The following GPC5 variants were observed in gnomAD, a reference collection of about 807,000 sequenced individuals.
The protein encoded by GPC5 is glypican-5.
A neutral mutation model predicts 53.9 loss-of-function variants in GPC5; 47 were observed. That is an observed-to-expected ratio of 0.87 (90% CI 0.69 to 1.11). The LOEUF is 1.11. Ranked by LOEUF, GPC5 falls within the 50% of genes most tolerant of loss-of-function variation. The pLI is 0.00. For missense variants in GPC5, 748 were observed against 713.1 expected (o/e 1.05, Z -0.56); for synonymous variants, 286 against 263.3 (o/e 1.09, Z -0.84).
At chr13:91,956,782 T>C (rs2040077726) in intron 6 of GPC5, among the ~76,000 whole-genome samples, 1 of 152,098 alleles carries the variant, frequency 6.6e-6, no homozygotes, top group African/African-American at 2.4e-5. Context: ...AAGTACCCTA[T>C]CCAATTATTA....
chr13:91,552,417 G>T (rs966774379), intron 2 of GPC5, among the ~76,000 whole-genome samples: 2 of 151,956 alleles, frequency 1.3e-5, no homozygotes, highest in African/African-American at 4.8e-5. Context: ...AGGAATTAAA[G>T]ACACACACAC....
chr13:92,198,840 T>C (rs2042274992), intron 7 of GPC5, among the ~76,000 whole-genome samples: 1 of 152,192 alleles, frequency 6.6e-6, no homozygotes, highest in South Asian at 2.1e-4. Context: ...AATGGTCATA[T>C]ACTAAAATGA....
chr13:92,330,431 C>T (rs566645295), intron 7 of GPC5, among the ~76,000 whole-genome samples: 7 of 152,114 alleles, frequency 4.6e-5, no homozygotes, highest in Non-Finnish European at 1.0e-4. Flanking sequence ...ATCCATCTAA[C>T]AAGCAATTTC....
intron 2 of GPC5, among the ~76,000 whole-genome samples, chr13:91,624,258 A>G (rs1286162971): frequency 6.6e-6 from 1 of 152,156 alleles, no homozygotes; most frequent in Non-Finnish European, 1.5e-5. Flanking sequence ...TGAGAAGCCC[A>G]AGAGTGGTGA....
At chr13:92,204,959 A>G (rs112339579) in intron 7 of GPC5, among the ~76,000 whole-genome samples, 161 of 151,428 alleles carry the variant, frequency 1.1e-3, no homozygotes, top group Non-Finnish European at 1.9e-3. Context: ...GCTCACTGCA[A>G]TCTCCGCCTC....
At chr13:92,102,433 T>C (rs934317999) in intron 6 of GPC5, among the ~76,000 whole-genome samples, 1 of 152,156 alleles carries the variant, frequency 6.6e-6, no homozygotes, top group Admixed American at 6.5e-5. Context: ...TGGAAGTAAG[T>C]AGCAGTTGGT....
chr13:92,604,757 T>C (rs1884194592), intron 7 of GPC5, among the ~76,000 whole-genome samples: 1 of 152,226 alleles, frequency 6.6e-6, no homozygotes, highest in African/African-American at 2.4e-5. Context: ...TATGAGGTGC[T>C]TACAACATAG....
At chr13:91,849,609 G>C (rs903622402) in intron 5 of GPC5, among the ~76,000 whole-genome samples, 9 of 151,892 alleles carry the variant, frequency 5.9e-5, no homozygotes, top group Non-Finnish European at 1.2e-4. Context: ...GTATACTCTT[G>C]AGTATCCACA....
chr13:92,208,779 A>G (rs1046750797), intron 7 of GPC5, among the ~76,000 whole-genome samples: 2 of 152,240 alleles, frequency 1.3e-5, no homozygotes, highest in Admixed American at 6.5e-5. Context: ...ATCTTTTTCA[A>G]TAACTTCAGA....
intron 7 of GPC5, among the ~76,000 whole-genome samples, chr13:92,320,568 T>C (rs966962930): frequency 6.6e-6 from 1 of 152,266 alleles, no homozygotes; most frequent in African/African-American, 2.4e-5. Flanking sequence ...TCCCCATAAG[T>C]GTTTTATTAA....
At chr13:91,660,059 G>C (rs1213057113) in intron 2 of GPC5, among the ~76,000 whole-genome samples, 1 of 152,180 alleles carries the variant, frequency 6.6e-6, no homozygotes, top group Non-Finnish European at 1.5e-5. Context: ...TGGGGAAACT[G>C]TCAAAAGAAT....
At chr13:92,181,226 TA>T (rs2042144788) in intron 7 of GPC5, among the ~76,000 whole-genome samples, 1 of 152,020 alleles carries the variant, frequency 6.6e-6, no homozygotes. Flanking sequence ...AAAAAAAAAT[TA>T]AAACTACTCA....
intron 2 of GPC5, among the ~76,000 whole-genome samples, chr13:91,576,426 T>A (rs11840290): frequency 0.063 from 9,604 of 151,980 alleles, 1,007 homozygotes; most frequent in African/African-American, 0.22. Flanking sequence ...TCAGAGGCAA[T>A]AAATGGACAG....
intron 7 of GPC5, among the ~76,000 whole-genome samples, chr13:92,159,140 C>T (rs1231309806): frequency 6.6e-6 from 1 of 152,174 alleles, no homozygotes; most frequent in African/African-American, 2.4e-5. Flanking sequence ...CTACATTTCC[C>T]AACCTCCACC....
chr13:92,312,419 G>A (rs182627228), intron 7 of GPC5, among the ~76,000 whole-genome samples: 6 of 152,104 alleles, frequency 3.9e-5, no homozygotes, highest in African/African-American at 1.4e-4. Context: ...ATTCTGAAAA[G>A]ATAAACTCAT....
intron 7 of GPC5, among the ~76,000 whole-genome samples, chr13:92,257,545 G>GCTTTTTTTTTTTTTTTT (rs1566507028): frequency 2.0e-5 from 1 of 50,054 alleles, no homozygotes; most frequent in African/African-American, 1.2e-4. Context: ...CTAATACAGG[G>GCTTTTTTTTTTTTTTTT]ATTTTTTTTT....
intron 7 of GPC5, among the ~76,000 whole-genome samples, chr13:92,618,024 T>A (rs1412317754): frequency 2.6e-5 from 4 of 152,172 alleles, no homozygotes; most frequent in African/African-American, 7.2e-5. Context: ...AGCTCTTAAG[T>A]ACTCTTTCTA....
intron 7 of GPC5, among the ~76,000 whole-genome samples, chr13:92,316,993 G>A (rs989873561): frequency 2.0e-5 from 3 of 151,946 alleles, no homozygotes; most frequent in African/African-American, 7.3e-5. Context: ...AATCTTTCTT[G>A]TTTATTCTAT....
chr13:92,338,085 G>T (rs1316710875), intron 7 of GPC5, among the ~76,000 whole-genome samples: 1 of 151,930 alleles, frequency 6.6e-6, no homozygotes, highest in Non-Finnish European at 1.5e-5. Flanking sequence ...TTATCCCAAA[G>T]ATAGAAAAAT....
Sources: gnomAD v4.1 joint callset for allele counts (sites outside exome capture counted in the v4.1 genomes callset) on GRCh38, gnomAD v4.1.1 for gene constraint, MANE v1.5 for transcripts, NCBI Gene and HGNC (gene_info 2026-07-23, HGNC 2026-07-21) for gene names.